ZNF559: variants seen among roughly 807,000 people sequenced by gnomAD.
ZNF559 encodes the protein zinc finger protein 559, also known as putative protein product of Nbla00121.
In ZNF559, 17 loss-of-function variants were observed where a neutral mutation model predicts 14.2. That is an observed-to-expected ratio of 1.20 (90% CI 0.82 to 1.80). The LOEUF (loss-of-function observed/expected upper bound fraction) is 1.80. Ranked by LOEUF, ZNF559 falls within the 40% of genes most tolerant of loss-of-function variation. ZNF559 has a pLI of 0.00. For missense variants in ZNF559, 740 were observed against 629.7 expected (o/e 1.18, Z -1.88); for synonymous variants, 244 against 212.4 (o/e 1.15, Z -1.29).
intron 2 of ZNF559, among the ~76,000 whole-genome samples, chr19:9,327,494 C>T (rs1032368020): frequency 1.3e-5 from 2 of 152,164 alleles, no homozygotes; most frequent in African/African-American, 4.8e-5. Flanking sequence ...GGTGATCCTC[C>T]CGCCTCGGCC....
chr19:9,342,611 G>GA lies in ZNF559; in HGVS notation c.1164dup (p.Ala389SerfsTer4), dbSNP rs2067634447. 6.2e-7 allele frequency: 1 copy of GA among 1,613,992 alleles called. No homozygotes were observed. The highest frequency in any genetic ancestry group is 8.5e-7 in the Non-Finnish European group (1 of 1,180,010). ...AAGCCTTATCAATGTAAGGAATGTG[G>GA]AAAAGCCTTTATTAATTCCTCTTCC... On this transcript the variant is annotated frameshift_variant, in exon 7 of 7. Transcript: ENST00000603380. LOFTEE classifies it low-confidence loss of function (END_TRUNC).
At chr19:9,332,571 C>T (rs2066997963) in intron 2 of ZNF559, among the ~76,000 whole-genome samples, 1 of 152,122 alleles carries the variant, frequency 6.6e-6, no homozygotes, top group Non-Finnish European at 1.5e-5. Flanking sequence ...TTATCCCAGC[C>T]TTTGATATAC....
intron 2 of ZNF559, among the ~76,000 whole-genome samples, chr19:9,328,705 G>A (rs962710154): frequency 3.3e-5 from 5 of 152,060 alleles, no homozygotes; most frequent in South Asian, 4.1e-4. Flanking sequence ...TAGTCTCAGC[G>A]CAAAGTAGGG....
Position 9,343,532 on chromosome 19 carries a change from C to T in ZNF559, c.*464C>T. On this transcript the variant is annotated 3_prime_UTR_variant, in exon 7 of 7. Transcript: ENST00000603380. ...ATACCTTAATATTCAGCTGTGATCT[C>T]ACAAGTGTGAAAAATCTTATGAATG... 1.0e-6 allele frequency: 1 copy of T among 993,052 alleles called. No homozygotes were observed. The highest frequency in any genetic ancestry group is 1.2e-6 in the Non-Finnish European group (1 of 833,686). The allele number at this position is 993,052 out of a possible 1,614,324, so 61.5% of individuals were successfully genotyped here.
chr19:9,338,465 A>T, intron 3 of ZNF559, 29 bp from the exon 4 acceptor site: 2 of 1,568,534 alleles, frequency 1.3e-6, no homozygotes, highest in South Asian at 2.2e-5. Context: ...AGCAGCCTGG[A>T]TTCTCAGATT....
chr19:9,341,251 G>A (rs770391921), intron 6 of ZNF559, 67 bp downstream of exon 6: 4 of 1,471,224 alleles, frequency 2.7e-6, no homozygotes, highest in Non-Finnish European at 3.8e-6. Flanking sequence ...CCTTAAAATG[G>A]AAAAGCAGCA....
chr19:9,329,357 T>C (rs2066814012), intron 2 of ZNF559, among the ~76,000 whole-genome samples: 1 of 152,220 alleles, frequency 6.6e-6, no homozygotes, highest in Non-Finnish European at 1.5e-5. Flanking sequence ...CCTACTGTTA[T>C]CATATTGCTT....
At chr19:9,324,444 G>A (rs535551629) in intron 1 of ZNF559, 2 of 1,435,658 alleles carry the variant, frequency 1.4e-6, no homozygotes, top group Non-Finnish European at 1.8e-6. Context: ...CTGGGGCCTC[G>A]GCCCGGGAGG....
rs1184465196 is a variant in ZNF559 at position 9,344,327 on chromosome 19, A to G, written c.*1259A>G. 2 of 152,168 alleles carry G rather than the reference A, an allele frequency of 1.3e-5. No individual in the cohort carries two copies. Among genetic ancestry groups the G allele is most frequent in the African/African-American group, 4.8e-5 (2 of 41,438 alleles). 9.4% of individuals were successfully genotyped at this position (152,168 alleles called of 1,614,324 possible). A position where few individuals can be genotyped will look rare whatever the true frequency, so the allele number is the denominator to read the frequency against. Reference sequence around the variant, plus strand: ...GAATTGAGGAACATTTAGGGGTACAAATTTTCACTTATTGCACACAAGAAA... The same window carrying G: ...GAATTGAGGAACATTTAGGGGTACAGATTTTCACTTATTGCACACAAGAAA... On this transcript the variant is annotated 3_prime_UTR_variant, in exon 7 of 7. Coordinates refer to ENST00000603380, the MANE Select transcript of ZNF559 (RefSeq NM_032497.3).
intron 5 of ZNF559, 83 bp downstream of exon 5, chr19:9,339,402 T>A: frequency 1.4e-6 from 2 of 1,464,628 alleles, no homozygotes; most frequent in Non-Finnish European, 1.8e-6. Flanking sequence ...CTCTGCTTGT[T>A]AATGGGCTGC....
At position 9,341,724 on chromosome 19, in the gene ZNF559, T is replaced by C. The variant is rs1192692097; in HGVS notation, c.273T>C (p.Phe91=). The stretch of plus-strand genomic sequence containing the variant: ...GAAACCATTTTGGAGAGGAACTGTT[T>C]GACTTTAACCAATGTGAAAAAGCCT... ...MERNHFGEEL[F]DFNQCEKALS... is the part of the protein sequence containing the mutation. Residue 91 remains phenylalanine, a synonymous_variant, in exon 7 of 7, where the codon TTT becomes TTC. Transcript: ENST00000603380. 6.3e-7 allele frequency: 1 copy of C among 1,597,972 alleles called. No individual in the cohort carries two copies. The highest frequency in any genetic ancestry group is 8.5e-7 in the Non-Finnish European group (1 of 1,175,094).
chr19:9,325,395 TTG>T (rs779025279), intron 2 of ZNF559, among the ~76,000 whole-genome samples: 33 of 152,212 alleles, frequency 2.2e-4, no homozygotes, highest in Non-Finnish European at 4.4e-4. Context: ...TGAGCCATTA[TTG>T]TGTCACTGCA....
rs760054971 is a variant in ZNF559 at position 9,324,233 on chromosome 19, G to GT, written c.-206+10dup. On this transcript the variant is annotated splice_donor_region_variant and intron_variant, in intron 1 of 6. Coordinates refer to ENST00000603380, the MANE Select transcript of ZNF559 (RefSeq NM_032497.3). ...GCGTTCCCGTTGGCGTCTGAGGTAAGTTTTTGTTTCTGGGCGGCGTTCGGT... is the reference window on the plus strand; with the variant it reads ...GCGTTCCCGTTGGCGTCTGAGGTAAGTTTTTTGTTTCTGGGCGGCGTTCGGT... 8.5e-6 allele frequency: 13 copies of GT among 1,536,120 alleles called. No individual in the cohort carries two copies. In the East Asian group the frequency reaches 3.2e-4, roughly 38 times the overall value.
intron 5 of ZNF559, among the ~76,000 whole-genome samples, chr19:9,339,957 T>C: frequency 7.2e-6 from 1 of 139,322 alleles, no homozygotes; most frequent in East Asian, 2.0e-4. Context: ...TTTTTTTTTT[T>C]TTGTATTTTT....
intron 4 of ZNF559, 93 bp downstream of exon 4, chr19:9,338,675 A>G: frequency 2.1e-6 from 2 of 955,598 alleles, no homozygotes; most frequent in East Asian, 2.4e-5. Context: ...CCTGCAAGCA[A>G]AGAGGGTCTG....
rs1335496881 is a variant in ZNF559 at position 9,344,833 on chromosome 19, G to T, written c.*1765G>T. The T allele has an allele frequency of 6.6e-6, 1 of 152,054 alleles. No individual in the cohort carries two copies. The highest frequency in any genetic ancestry group is 1.5e-5 in the Non-Finnish European group (1 of 68,022). The allele number at this position is 152,054 out of a possible 1,614,324, so 9.4% of individuals were successfully genotyped here. A position where few individuals can be genotyped will look rare whatever the true frequency, so the allele number is the denominator to read the frequency against. On this transcript the variant is annotated 3_prime_UTR_variant, in exon 7 of 7. Coordinates refer to ENST00000603380, the MANE Select transcript of ZNF559 (RefSeq NM_032497.3). ...GAGAATCTTTGGTTTGAATTATTGA[G>T]GCAGGTTCTTTCAGTAAGTTTGAGA...
In ZNF559 at chr19:9,342,887, G is replaced by A; in HGVS notation, c.1436G>A (p.Gly479Asp). The A allele has an allele frequency of 6.2e-7, 1 of 1,612,990 alleles. No individual in the cohort carries two copies. Among genetic ancestry groups the A allele is most frequent in the Non-Finnish European group, 8.5e-7 (1 of 1,179,734 alleles). Residue 479 changes from glycine to aspartate, a missense_variant, in exon 7 of 7, where the codon GGC becomes GAC. By Grantham distance (94) the Gly-to-Asp change is moderately conservative. Coordinates refer to ENST00000603380, the MANE Select transcript of ZNF559 (RefSeq NM_032497.3). The stretch of plus-strand genomic sequence containing the variant: ...GGGCAAGCCTTCAGTATCTCATCAG[G>A]CCTTACAGTACACATGAGAACTCAC... Reference protein sequence around the residue: ...KCGQAFSISSGLTVHMRTHTG... With the variant: ...KCGQAFSISSDLTVHMRTHTG...
intron 4 of ZNF559, 115 bp from the exon 5 acceptor site, chr19:9,339,078 A>G (rs1370527110): frequency 7.0e-7 from 1 of 1,427,796 alleles, no homozygotes; most frequent in Non-Finnish European, 9.7e-7. Flanking sequence ...AGGACCATCA[A>G]GTGATAGGAG....
intron 2 of ZNF559, among the ~76,000 whole-genome samples, chr19:9,331,265 ATTC>A (rs2066921975): frequency 6.6e-6 from 1 of 152,158 alleles, no homozygotes; most frequent in African/African-American, 2.4e-5. Context: ...TGTCCAGCTA[ATTC>A]TTTAGTTTTC....
Sources: gnomAD v4.1 joint callset for allele counts (sites outside exome capture counted in the v4.1 genomes callset) on GRCh38, gnomAD v4.1.1 for gene constraint, MANE v1.5 for transcripts, NCBI Gene and HGNC (gene_info 2026-07-23, HGNC 2026-07-21) for gene names.